Variants in DLGAP2 observed in about 807,000 individuals in gnomAD.
DLGAP2 encodes the protein disks large-associated protein 2.
Under a neutral mutation model 100.3 loss-of-function variants are expected in DLGAP2, and 26 were observed. That is an observed-to-expected ratio of 0.26 (90% confidence interval 0.19 to 0.36). The LOEUF is 0.36. Ranked by LOEUF, DLGAP2 falls within the 10% of genes least tolerant of loss-of-function variation. The pLI is 1.00. For missense variants in DLGAP2, 1,858 were observed against 1,453.2 expected (o/e 1.28, Z -4.53); for synonymous variants, 886 against 630.1 (o/e 1.41, Z -6.08).
chr8:766,156 G>T (rs1821210765), intron 1 of DLGAP2, among the ~76,000 whole-genome samples: 1 of 152,114 alleles, frequency 6.6e-6, no homozygotes, highest in Non-Finnish European at 1.5e-5. Flanking sequence ...GACAGAGCGA[G>T]ACTCTGTCTC....
intron 1 of DLGAP2, among the ~76,000 whole-genome samples, chr8:843,137 A>C (rs952562861): frequency 3.3e-5 from 5 of 152,076 alleles, no homozygotes; most frequent in Admixed American, 3.3e-4. Context: ...TCTGTTGCTT[A>C]TTTTTATGTG....
chr8:984,320 T>C (rs1376296822), intron 2 of DLGAP2, among the ~76,000 whole-genome samples: 2 of 152,212 alleles, frequency 1.3e-5, no homozygotes, highest in Admixed American at 6.5e-5. Flanking sequence ...TCTGCCTCTG[T>C]GAAATCCCAG....
In DLGAP2 at chr8:1,391,554, G is replaced by A. The variant is rs78651539; in HGVS notation, c.107-109812G>A. Among the ~76,000 whole-genome samples, 571 of 152,276 alleles carry A rather than the reference G, an allele frequency of 3.7e-3. 12 individuals are homozygous for A. The East Asian group carries it at 0.051, about 14-fold the overall frequency. On this transcript the variant is annotated intron_variant, in intron 3 of 14. Coordinates refer to ENST00000637795, the MANE Select transcript of DLGAP2 (RefSeq NM_001346810.2). Reference sequence around the variant, plus strand: ...GATTGGTGTTTTTATCAGTTGGAGCGCTACCAGCACATGTTCCACCATGGA... The same window carrying A: ...GATTGGTGTTTTTATCAGTTGGAGCACTACCAGCACATGTTCCACCATGGA...
intron 2 of DLGAP2, among the ~76,000 whole-genome samples, chr8:1,255,628 G>C (rs554427335): frequency 1.4e-5 from 2 of 142,108 alleles, no homozygotes; most frequent in African/African-American, 5.4e-5. Flanking sequence ...GGTGCTGTGT[G>C]TGTGTGTCCT....
intron 2 of DLGAP2, among the ~76,000 whole-genome samples, chr8:1,153,162 C>G (rs1272161502): frequency 6.6e-6 from 1 of 152,144 alleles, no homozygotes; most frequent in Non-Finnish European, 1.5e-5. Flanking sequence ...GGGCCTGACC[C>G]CTCAGTTTCC....
At chr8:1,624,049 C>A (rs923393363) in intron 6 of DLGAP2, among the ~76,000 whole-genome samples, 1 of 146,708 alleles carries the variant, frequency 6.8e-6, no homozygotes, top group African/African-American at 2.8e-5. Context: ...CAGAGGTGAT[C>A]CCTTCGTTCA....
chr8:1,374,351 G>T (rs1802338816), intron 3 of DLGAP2, among the ~76,000 whole-genome samples: 1 of 151,822 alleles, frequency 6.6e-6, no homozygotes, highest in Non-Finnish European at 1.5e-5. Flanking sequence ...ACCCATGTTC[G>T]GCACGGGTCC....
chr8:1,443,485 G>T (rs962504289), intron 3 of DLGAP2, among the ~76,000 whole-genome samples: 7 of 152,174 alleles, frequency 4.6e-5, no homozygotes, highest in Non-Finnish European at 2.9e-5. Flanking sequence ...GTCTTCTCCT[G>T]CAAGAGAGGG....
At chr8:1,568,844 T>C (rs1429026434) in intron 6 of DLGAP2, among the ~76,000 whole-genome samples, 1 of 130,102 alleles carries the variant, frequency 7.7e-6, no homozygotes. Flanking sequence ...TCTCTGCCTA[T>C]GGCCCCCATG....
intron 3 of DLGAP2, among the ~76,000 whole-genome samples, chr8:1,468,413 C>T (rs569720277): frequency 1.4e-4 from 21 of 151,220 alleles, no homozygotes; most frequent in South Asian, 2.1e-4. Context: ...GGCGTGGATC[C>T]GGGCTGGTCC....
intron 2 of DLGAP2, among the ~76,000 whole-genome samples, chr8:1,131,499 C>T (rs545115418): frequency 2.0e-5 from 3 of 152,186 alleles, no homozygotes; most frequent in Non-Finnish European, 2.9e-5. Context: ...GGGTTCTCCA[C>T]CACCCACATA....
intron 1 of DLGAP2, among the ~76,000 whole-genome samples, chr8:810,846 TC>T: frequency 6.6e-6 from 1 of 152,358 alleles, no homozygotes; most frequent in East Asian, 1.9e-4. Flanking sequence ...GCAGTTATGT[TC>T]CTTAGGGACA....
At chr8:1,603,933 T>G (rs2956954) in intron 6 of DLGAP2, among the ~76,000 whole-genome samples, 40,475 of 151,878 alleles carry the variant, frequency 0.27, 6,387 homozygotes, top group East Asian at 0.49. Flanking sequence ...TATGAGGAGT[T>G]TTCTGAGTCC....
intron 2 of DLGAP2, among the ~76,000 whole-genome samples, chr8:1,204,416 G>A (rs554482370): frequency 3.3e-5 from 5 of 152,352 alleles, no homozygotes; most frequent in African/African-American, 7.2e-5. Context: ...TGTGAGTGAC[G>A]GTGGACCCCG....
chr8:1,510,843 A>G (rs1461991461), intron 4 of DLGAP2, among the ~76,000 whole-genome samples: 1 of 152,230 alleles, frequency 6.6e-6, no homozygotes, highest in Non-Finnish European at 1.5e-5. Context: ...CAAACCTTGC[A>G]TTTGACACCT....
chr8:1,274,249 C>G (rs1012603537), intron 3 of DLGAP2, among the ~76,000 whole-genome samples: 10 of 151,944 alleles, frequency 6.6e-5, no homozygotes, highest in Middle Eastern at 3.2e-3. Flanking sequence ...AAATTGTGAA[C>G]TCTTCCCCAC....
intron 4 of DLGAP2, among the ~76,000 whole-genome samples, chr8:1,505,601 TA>T (rs1799879786): frequency 6.6e-6 from 1 of 152,176 alleles, no homozygotes; most frequent in Admixed American, 6.5e-5. Flanking sequence ...GGCTGTGAAA[TA>T]TAGGAGGATA....
intron 8 of DLGAP2, among the ~76,000 whole-genome samples, chr8:1,645,061 C>T (rs1325076496): frequency 6.6e-6 from 1 of 152,230 alleles, no homozygotes; most frequent in Admixed American, 6.5e-5. Flanking sequence ...CACCACAGCA[C>T]TCTAGCCTGG....
intron 2 of DLGAP2, among the ~76,000 whole-genome samples, chr8:1,149,347 C>T (rs946120780): frequency 3.9e-5 from 6 of 152,026 alleles, no homozygotes; most frequent in Admixed American, 2.0e-4. Context: ...CGGAGTTTCA[C>T]TGTGTTAGCC....
Sources: gnomAD v4.1 joint callset for allele counts (sites outside exome capture counted in the v4.1 genomes callset) on GRCh38, gnomAD v4.1.1 for gene constraint, MANE v1.5 for transcripts, NCBI Gene and HGNC (gene_info 2026-07-23, HGNC 2026-07-21) for gene names.